The following CALN1 variants were observed in gnomAD, a reference collection of about 807,000 sequenced individuals.
CALN1 encodes the protein calneuron 1.
In CALN1, 17 loss-of-function variants were observed where a neutral mutation model predicts 30.6. The observed-to-expected ratio is 0.56, with a 90% CI of 0.38 to 0.83. The LOEUF (loss-of-function observed/expected upper bound fraction) is 0.83. Ranked by LOEUF, CALN1 falls within the 40% of genes least tolerant of loss-of-function variation. The pLI, the probability that CALN1 is intolerant of heterozygous loss-of-function variation, is 0.00. For missense variants in CALN1, 291 were observed against 354.9 expected (o/e 0.82, Z 1.45); for synonymous variants, 156 against 131.4 (o/e 1.19, Z -1.28).
intron 3 of CALN1, among the ~76,000 whole-genome samples, chr7:72,244,730 T>C (rs1049837755): frequency 2.0e-5 from 3 of 151,712 alleles, no homozygotes; most frequent in African/African-American, 4.8e-5. Context: ...AGAGAAAATA[T>C]AGTTATAAGT....
intron 3 of CALN1, among the ~76,000 whole-genome samples, chr7:72,212,640 CT>C (rs1184635252): frequency 1.3e-5 from 2 of 151,988 alleles, no homozygotes; most frequent in Non-Finnish European, 2.9e-5. Context: ...CAAAGCGAGA[CT>C]CCATCACTAC....
At chr7:72,458,234 TCTATATTATA>T in the CALN1 span, among the ~76,000 whole-genome samples, 4 of 105,748 alleles carry the variant, frequency 3.8e-5, no homozygotes, top group African/African-American at 7.3e-5. Flanking sequence ...TATAATATAT[TCTATATTATA>T]TAATATATTT....
rs556521527 is a variant in CALN1 at position 71,937,525 on chromosome 7, C to T, written c.501+86132G>A. Reference sequence around the variant, plus strand: ...TATAAAACTTTCCCTGTGGACCAGACGGGAGTCCGGTGGTGCAATCATAGC... The same window carrying T: ...TATAAAACTTTCCCTGTGGACCAGATGGGAGTCCGGTGGTGCAATCATAGC... On this transcript the variant is annotated intron_variant, in intron 5 of 6. Transcript: ENST00000395275. Among the ~76,000 whole-genome samples the T allele has an allele frequency of 7.9e-5, 12 of 152,128 alleles. No individual in the cohort carries two copies. The South Asian group carries it at 1.5e-3, about 18-fold the overall frequency.
intron 5 of CALN1, among the ~76,000 whole-genome samples, chr7:71,974,469 C>T (rs79923941): frequency 3.3e-5 from 5 of 150,654 alleles, no homozygotes; most frequent in African/African-American, 1.2e-4. Flanking sequence ...AAAAAAACCC[C>T]ACACAGCTTA....
At position 72,271,575 on chromosome 7, in the gene CALN1, A is replaced by AAAAAT; in HGVS notation, c.244+7110_244+7111insATTTT. ...CTGTGCCTGCCTTTTAAAAAAAAAA[A>AAAAAT]ATATATATATATATATATAGTTTTC... On this transcript the variant is annotated intron_variant, in intron 3 of 6. Coordinates refer to ENST00000395275, the MANE Select transcript of CALN1 (RefSeq NM_031468.4). Among the ~76,000 whole-genome samples, 5 of 52,108 alleles carry AAAAAT rather than the reference A, an allele frequency of 9.6e-5. 1 individual carries two copies. The highest frequency in any genetic ancestry group is 0.012 in the Middle Eastern group (1 of 82). The allele number at this position is 52,108 out of a possible 152,430, so 34.2% of individuals were successfully genotyped here. A position where few individuals can be genotyped will look rare whatever the true frequency, so the allele number is the denominator to read the frequency against.
At chr7:72,314,398 C>CAT (rs765201771) in intron 2 of CALN1, among the ~76,000 whole-genome samples, 10 of 119,342 alleles carry the variant, frequency 8.4e-5, no homozygotes, top group African/African-American at 2.4e-4. Flanking sequence ...TATATATACA[C>CAT]ATATATACAC....
chr7:72,223,800 A>G (rs1476577189), intron 3 of CALN1, among the ~76,000 whole-genome samples: 5 of 152,242 alleles, frequency 3.3e-5, no homozygotes, highest in African/African-American at 1.2e-4. Flanking sequence ...CATAGACACC[A>G]TGGAATACTA....
At chr7:72,406,623 T>TTTTC (rs1554402603) in intron 1 of CALN1, among the ~76,000 whole-genome samples, 12 of 44,810 alleles carry the variant, frequency 2.7e-4, no homozygotes, top group African/African-American at 1.7e-3. Flanking sequence ...AGCTTTTTTT[T>TTTTC]TTTTCTTTTT....
At chr7:72,416,343 C>T (rs1367105015), upstream of CALN1, among the ~76,000 whole-genome samples, 1 of 152,220 alleles carries the variant, frequency 6.6e-6, no homozygotes, top group Non-Finnish European at 1.5e-5. Context: ...ATGGAGTACC[C>T]CTGCTCTGCA....
intron 2 of CALN1, among the ~76,000 whole-genome samples, chr7:72,317,504 T>C (rs1800565609): frequency 6.6e-6 from 1 of 152,196 alleles, no homozygotes; most frequent in African/African-American, 2.4e-5. Context: ...TTGCTCTGCC[T>C]GGCTGGCCCC....
intron 4 of CALN1, among the ~76,000 whole-genome samples, chr7:72,028,170 T>C (rs954094120): frequency 6.7e-6 from 1 of 149,114 alleles, no homozygotes; most frequent in African/African-American, 2.5e-5. Flanking sequence ...CTTGGGAACC[T>C]CATAGTTTAC....
intron 2 of CALN1, among the ~76,000 whole-genome samples, chr7:72,310,659 T>A (rs1312558086): frequency 6.6e-6 from 1 of 151,726 alleles, no homozygotes. Flanking sequence ...ATCCCAGCAC[T>A]TTGGGAGGCC....
intron 5 of CALN1, among the ~76,000 whole-genome samples, chr7:71,850,482 C>T (rs757546090): frequency 3.6e-4 from 55 of 152,150 alleles, no homozygotes; most frequent in Admixed American, 1.7e-3. Context: ...CTTCCCAAAG[C>T]GCTGGGATTA....
intron 2 of CALN1, among the ~76,000 whole-genome samples, chr7:72,380,685 GGA>G (rs1804837458): frequency 1.3e-5 from 2 of 151,294 alleles, no homozygotes; most frequent in African/African-American, 4.9e-5. Context: ...ATGGATGGAT[GGA>G]TGGATACATA....
At chr7:72,294,088 T>A (rs1411808825) in intron 2 of CALN1, among the ~76,000 whole-genome samples, 2 of 151,690 alleles carry the variant, frequency 1.3e-5, no homozygotes, top group East Asian at 3.9e-4. Context: ...ACAGAGCATA[T>A]CCACAAAAAA....
intron 3 of CALN1, among the ~76,000 whole-genome samples, chr7:72,135,781 A>G (rs1421346773): frequency 6.6e-6 from 1 of 152,192 alleles, no homozygotes; most frequent in Non-Finnish European, 1.5e-5. Flanking sequence ...TTTTGAAGCC[A>G]GGCATTGACT....
the CALN1 span, among the ~76,000 whole-genome samples, chr7:72,479,331 TA>T: frequency 6.6e-6 from 1 of 152,220 alleles, no homozygotes; most frequent in Non-Finnish European, 1.5e-5. Context: ...CCCACAAATA[TA>T]TTTATATGCC....
chr7:71,801,253 C>A (rs1175772136), intron 6 of CALN1, among the ~76,000 whole-genome samples: 1 of 152,092 alleles, frequency 6.6e-6, no homozygotes, highest in Non-Finnish European at 1.5e-5. Flanking sequence ...CGTTCTGTCA[C>A]CCAGGCTGGA....
intron 3 of CALN1, among the ~76,000 whole-genome samples, chr7:72,264,320 A>C (rs893693422): frequency 6.6e-6 from 1 of 152,088 alleles, no homozygotes. Flanking sequence ...TCATAAGAAC[A>C]CTCACTTTAT....
Sources: allele counts gnomAD v4.1 joint callset (sites outside exome capture counted in the v4.1 genomes callset), GRCh38; gene constraint gnomAD v4.1.1; transcripts MANE v1.5; gene names NCBI Gene and HGNC (gene_info 2026-07-23, HGNC 2026-07-21).